Variants in QTMAN observed in about 807,000 individuals in gnomAD.
The protein encoded by QTMAN is tRNA-queuosine alpha-mannosyltransferase.
the QTMAN span, among the ~76,000 whole-genome samples, chr2:143,967,058 A>G: frequency 6.6e-6 from 1 of 152,206 alleles, no homozygotes; most frequent in East Asian, 1.9e-4. Context: ...GAAATGCTTG[A>G]CTCACTTATA....
At chr2:144,138,634 C>T in the QTMAN span, among the ~76,000 whole-genome samples, 1 of 151,932 alleles carries the variant, frequency 6.6e-6, no homozygotes, top group East Asian at 1.9e-4. Context: ...GGTTGTTCAT[C>T]CCCAGTAACA....
At chr2:144,228,526 C>T in the QTMAN span, among the ~76,000 whole-genome samples, 10 of 151,996 alleles carry the variant, frequency 6.6e-5, no homozygotes, top group African/African-American at 2.2e-4. Flanking sequence ...ATAATACACA[C>T]ATATAAGTAA....
At chr2:144,028,517 A>C in the QTMAN span, among the ~76,000 whole-genome samples, 1 of 152,304 alleles carries the variant, frequency 6.6e-6, no homozygotes, top group East Asian at 1.9e-4. Context: ...GCTGCTTCCT[A>C]CTGGCCTTAC....
At chr2:144,297,220 T>G in the QTMAN span, among the ~76,000 whole-genome samples, 1 of 152,206 alleles carries the variant, frequency 6.6e-6, no homozygotes, top group Non-Finnish European at 1.5e-5. Context: ...TTATCATTAC[T>G]CTGTCAATTT....
the QTMAN span, among the ~76,000 whole-genome samples, chr2:144,265,874 G>A: frequency 6.6e-6 from 1 of 152,132 alleles, no homozygotes; most frequent in African/African-American, 2.4e-5. Flanking sequence ...CCCTCTGCCA[G>A]CACTCTCAAA....
At chr2:144,183,817 A>G in the QTMAN span, among the ~76,000 whole-genome samples, 3 of 152,136 alleles carry the variant, frequency 2.0e-5, no homozygotes, top group Non-Finnish European at 4.4e-5. Flanking sequence ...CCCCACCCCC[A>G]ACCAACTTGG....
At chr2:144,313,578 T>G in the QTMAN span, among the ~76,000 whole-genome samples, 1 of 152,274 alleles carries the variant, frequency 6.6e-6, no homozygotes, top group East Asian at 1.9e-4. Flanking sequence ...TAAAGATTAG[T>G]ATTATTCATA....
At chr2:144,273,995 G>A in the QTMAN span, among the ~76,000 whole-genome samples, 6 of 152,152 alleles carry the variant, frequency 3.9e-5, no homozygotes, top group East Asian at 1.9e-4. Context: ...TGAGCTGGGC[G>A]TGATGGCACG....
the QTMAN span, among the ~76,000 whole-genome samples, chr2:144,286,088 C>T: frequency 1.6e-4 from 24 of 152,326 alleles, no homozygotes; most frequent in Admixed American, 1.5e-3. Context: ...AGCCAACACA[C>T]TAAGAAGATG....
the QTMAN span, among the ~76,000 whole-genome samples, chr2:144,250,676 A>T: frequency 1.3e-5 from 2 of 150,902 alleles, no homozygotes; most frequent in African/African-American, 2.4e-5. Context: ...AGATCAACAC[A>T]CTGCCATCCA....
chr2:144,239,801 T>G, the QTMAN span, among the ~76,000 whole-genome samples: 2 of 152,224 alleles, frequency 1.3e-5, no homozygotes, highest in Non-Finnish European at 2.9e-5. Flanking sequence ...CTCTTCATCT[T>G]CTGGGACCCA....
the QTMAN span, among the ~76,000 whole-genome samples, chr2:144,237,618 T>G: frequency 6.6e-6 from 1 of 152,156 alleles, no homozygotes; most frequent in Non-Finnish European, 1.5e-5. Context: ...GAATTTCATT[T>G]TTTGCTTCCA....
At chr2:144,278,541 C>CTTT in the QTMAN span, among the ~76,000 whole-genome samples, 8 of 137,762 alleles carry the variant, frequency 5.8e-5, no homozygotes, top group African/African-American at 1.9e-4. Flanking sequence ...TGTTTTCCTT[C>CTTT]TTTTTTTTTT....
the QTMAN span, among the ~76,000 whole-genome samples, chr2:144,133,400 A>AATAT: frequency 2.4e-5 from 1 of 41,948 alleles, no homozygotes; most frequent in Non-Finnish European, 4.4e-5. Context: ...ATATTATATA[A>AATAT]ATATAATATA....
At chr2:144,265,599 A>G in the QTMAN span, among the ~76,000 whole-genome samples, 3 of 152,058 alleles carry the variant, frequency 2.0e-5, no homozygotes, top group Admixed American at 6.5e-5. Context: ...CGGGAGGCTG[A>G]GCAAGAGAAT....
the QTMAN span, among the ~76,000 whole-genome samples, chr2:144,138,271 C>A: frequency 2.6e-5 from 4 of 151,862 alleles, no homozygotes; most frequent in African/African-American, 7.3e-5. Context: ...GCAGTGGTGA[C>A]CCTGACTAAA....
chr2:144,217,687 T>G, the QTMAN span, among the ~76,000 whole-genome samples: 1 of 152,046 alleles, frequency 6.6e-6, no homozygotes, highest in Non-Finnish European at 1.5e-5. Context: ...TCTTTACCCC[T>G]CAGCACTGGA....
At chr2:144,106,922 C>A in the QTMAN span, among the ~76,000 whole-genome samples, 1 of 152,206 alleles carries the variant, frequency 6.6e-6, no homozygotes, top group Non-Finnish European at 1.5e-5. Context: ...GACCACAGTG[C>A]AATCAAACTA....
At chr2:144,009,408 A>G in the QTMAN span, among the ~76,000 whole-genome samples, 1 of 152,112 alleles carries the variant, frequency 6.6e-6, no homozygotes, top group Non-Finnish European at 1.5e-5. Context: ...CTGATAGGCA[A>G]CACTAAGAAA....
Sources: allele counts gnomAD v4.1 joint callset (sites outside exome capture counted in the v4.1 genomes callset), GRCh38; gene constraint gnomAD v4.1.1; transcripts MANE v1.5; gene names NCBI Gene and HGNC (gene_info 2026-07-23, HGNC 2026-07-21).